Variants in PCDHGB6 observed in about 807,000 individuals in gnomAD.
The protein encoded by PCDHGB6 is protocadherin gamma subfamily B, 6.
A neutral mutation model predicts 59.1 loss-of-function variants in PCDHGB6; 51 were observed. The observed-to-expected ratio is 0.86, with a 90% CI of 0.69 to 1.09. The LOEUF (loss-of-function observed/expected upper bound fraction) is 1.09, where lower values mean the gene tolerates loss of function less well. PCDHGB6 is among the 50% of genes least tolerant of loss of function. The probability of loss-of-function intolerance (pLI) is 0.00; values close to 1 mark genes in which losing one functional copy is unlikely to be tolerated. For synonymous variants in PCDHGB6, 466 were observed against 495.1 expected, an observed-to-expected ratio of 0.94 and a Z score of 0.78; for missense variants, 1,148 against 1,205.1, an observed-to-expected ratio of 0.95 and a Z score of 0.70.
intron 1 of PCDHGB6, chr5:141,423,243 C>G (rs2096724455): frequency 6.2e-7 from 1 of 1,613,842 alleles, no homozygotes. Flanking sequence ...TCCCCGAAGT[C>G]CTGGCGGACC....
chr5:141,490,618 A>G lies in PCDHGB6; in HGVS notation c.2419-4189A>G, dbSNP rs1463273520. On this transcript the variant is annotated intron_variant, in intron 1 of 3. Transcript: ENST00000520790. The surrounding 1 kb of genome is among the most constrained non-coding windows in gnomAD (Gnocchi z 5.4). ...ACCCCGCTTCAACCAGCAGCTTTAC[A>G]CTGCTTACATCCTAGAAAACCGGCC... 4.3e-6 allele frequency: 7 copies of G among 1,613,986 alleles called. No homozygotes were observed. Among genetic ancestry groups the G allele is most frequent in the Admixed American group, 1.7e-5 (1 of 59,996 alleles).
At chr5:141,508,841 C>G (rs969875150) in intron 3 of PCDHGB6, among the ~76,000 whole-genome samples, 1 of 152,140 alleles carries the variant, frequency 6.6e-6, no homozygotes, top group Admixed American at 6.5e-5. Flanking sequence ...TCCCCTACCC[C>G]TTCCATTCCC....
chr5:141,459,260 T>G (rs551625614), intron 1 of PCDHGB6, among the ~76,000 whole-genome samples: 1 of 152,344 alleles, frequency 6.6e-6, no homozygotes, highest in South Asian at 2.1e-4. Flanking sequence ...TAAATTAGTG[T>G]TGCCTCTTTC....
intron 1 of PCDHGB6, chr5:141,419,210 G>A: frequency 6.2e-7 from 1 of 1,613,926 alleles, no homozygotes; most frequent in Non-Finnish European, 8.5e-7. Flanking sequence ...CAACGCGCCG[G>A]TTTTCGGACA....
chr5:141,492,122 C>G (rs2154587050), intron 1 of PCDHGB6, among the ~76,000 whole-genome samples: 1 of 152,328 alleles, frequency 6.6e-6, no homozygotes, highest in Admixed American at 6.5e-5. Context: ...GATTTCTCCC[C>G]AGCTCCCAGC....
intron 1 of PCDHGB6, among the ~76,000 whole-genome samples, chr5:141,466,183 T>G (rs145148468): frequency 2.0e-5 from 3 of 152,138 alleles, no homozygotes; most frequent in Middle Eastern, 3.4e-3. Flanking sequence ...TATTTTTATT[T>G]TTTTTCAGAC....
intron 1 of PCDHGB6, chr5:141,421,270 C>G: frequency 6.2e-7 from 1 of 1,612,094 alleles, no homozygotes; most frequent in Non-Finnish European, 8.5e-7. Context: ...TCGGCTGCTG[C>G]TGCTGCTGTG....
chr5:141,475,721 G>A (rs867365261), intron 1 of PCDHGB6, among the ~76,000 whole-genome samples: 1 of 152,248 alleles, frequency 6.6e-6, no homozygotes. Context: ...ACAGCCCCAA[G>A]GCTGGCTTTC....
intron 1 of PCDHGB6, chr5:141,412,461 A>G (rs184499850): frequency 3.4e-4 from 52 of 152,338 alleles, no homozygotes; most frequent in African/African-American, 1.2e-3. Flanking sequence ...ACTATTCTAG[A>G]AGAGTACTTT....
chr5:141,456,308 T>C (rs2098849199), intron 1 of PCDHGB6, among the ~76,000 whole-genome samples: 1 of 152,156 alleles, frequency 6.6e-6, no homozygotes, highest in Non-Finnish European at 1.5e-5. Context: ...GAACAGCAGC[T>C]AGGGCTCCTC....
chr5:141,501,162 C>T (rs922957843), intron 2 of PCDHGB6, among the ~76,000 whole-genome samples: 1 of 152,134 alleles, frequency 6.6e-6, no homozygotes, highest in Non-Finnish European at 1.5e-5. Context: ...CCACCATCCC[C>T]AGCCTCATTT....
At chr5:141,470,795 C>T (rs947636574) in intron 1 of PCDHGB6, among the ~76,000 whole-genome samples, 2 of 152,182 alleles carry the variant, frequency 1.3e-5, no homozygotes, top group Non-Finnish European at 2.9e-5. Context: ...TCAAGCAATC[C>T]TCCCACTTCA....
intron 1 of PCDHGB6, chr5:141,415,033 C>G (rs1207811183): frequency 1.2e-6 from 2 of 1,613,456 alleles, no homozygotes; most frequent in South Asian, 1.1e-5. Flanking sequence ...CGAGCCGGGA[C>G]TCTTCGCGGT....
At chr5:141,421,080 C>G in intron 1 of PCDHGB6, 1 of 638,368 alleles carries the variant, frequency 1.6e-6, no homozygotes, top group South Asian at 2.1e-5. Flanking sequence ...GATGGATACT[C>G]ACAGATCCTG....
In PCDHGB6 at chr5:141,408,619, T is replaced by C; in HGVS notation, c.417T>C (p.His139=). Residue 139 remains histidine (H), a synonymous_variant, in exon 1 of 4, where the codon CAT becomes CAC. Transcript: ENST00000520790. ...CTCAATTTGATAAAAAGGAAATACA[T>C]TTAGAAATTTTCGAATCTGCATCCG... ...HAPQFDKKEI[H]LEIFESASAG... 6.2e-7 allele frequency: 1 copy of C among 1,613,974 alleles called. No homozygotes were observed. The highest frequency in any genetic ancestry group is 1.1e-5 in the South Asian group (1 of 91,064).
At position 141,487,051 on chromosome 5, in the gene PCDHGB6, G is replaced by A. The variant is rs1348441475; in HGVS notation, c.2419-7756G>A. The A allele has an allele frequency of 3.7e-6, 6 of 1,614,024 alleles. No individual in the cohort carries two copies. The highest frequency in any genetic ancestry group is 5.1e-6 in the Non-Finnish European group (6 of 1,180,024). On this transcript the variant is annotated intron_variant, in intron 1 of 3. Coordinates refer to ENST00000520790, the MANE Select transcript of PCDHGB6 (RefSeq NM_018926.3). This position sits in a 1 kb window ranked among gnomAD's most constrained non-coding sequence, Gnocchi z 5.0. ...TGTTTGCAGTCTCTCGATATGCTGG[G>A]GAGGTGCGGACGGCTGTTCCTATCC... is the stretch of plus-strand genomic sequence containing the variant.
At chr5:141,482,936 G>T (rs2099574800) in intron 1 of PCDHGB6, among the ~76,000 whole-genome samples, 1 of 152,050 alleles carries the variant, frequency 6.6e-6, no homozygotes, top group Admixed American at 6.5e-5. Context: ...AGCCAGGTGT[G>T]GTTGTGGGTG....
At chr5:141,504,660 C>T (rs1002186811) in intron 2 of PCDHGB6, among the ~76,000 whole-genome samples, 8 of 101,980 alleles carry the variant, frequency 7.8e-5, no homozygotes, top group Admixed American at 5.7e-4. Flanking sequence ...TGTTTGAGGG[C>T]GGGGGGTGGG....
At chr5:141,414,394 A>G in intron 1 of PCDHGB6, 1 of 1,613,930 alleles carries the variant, frequency 6.2e-7, no homozygotes, top group Non-Finnish European at 8.5e-7. Flanking sequence ...CAGTTATTAC[A>G]GATTGGTGAT....
Sources: gnomAD v4.1 joint callset for allele counts (sites outside exome capture counted in the v4.1 genomes callset) on GRCh38, gnomAD v4.1.1 for gene constraint, Gnocchi (gnomAD v3.1) non-coding constraint, MANE v1.5 for transcripts, NCBI Gene and HGNC (gene_info 2026-07-23, HGNC 2026-07-21) for gene names.